Variants in GLI3 observed in about 807,000 individuals in gnomAD.
GLI3 encodes transcription activator GLI3.
Under a neutral mutation model 100.8 loss-of-function variants are expected in GLI3, and 20 were observed. That is an observed-to-expected ratio of 0.20 (90% CI 0.14 to 0.29). The LOEUF (loss-of-function observed/expected upper bound fraction) is 0.29, where lower values mean the gene tolerates loss of function less well. Among genes scored for constraint, GLI3 ranks in the 10% least tolerant of loss-of-function variants. GLI3 has a pLI of 1.00. For missense variants in GLI3, 2,040 were observed against 2,128.5 expected (o/e 0.96, Z 0.82); for synonymous variants, 938 against 860.5 (o/e 1.09, Z -1.58).
chr7:42,201,140 CAAT>C (rs1251672903), intron 2 of GLI3, among the ~76,000 whole-genome samples: 4 of 152,040 alleles, frequency 2.6e-5, no homozygotes, highest in African/African-American at 7.2e-5. Flanking sequence ...AGATTAACAA[CAAT>C]AACTAATAAT....
chr7:41,997,174 T>C (rs1384267878), intron 10 of GLI3, among the ~76,000 whole-genome samples: 1 of 152,190 alleles, frequency 6.6e-6, no homozygotes, highest in Non-Finnish European at 1.5e-5. Context: ...ATACATGATA[T>C]AATGTAAGCC....
intron 5 of GLI3, among the ~76,000 whole-genome samples, chr7:42,046,555 G>A (rs1212559343): frequency 6.6e-6 from 1 of 152,140 alleles, no homozygotes; most frequent in South Asian, 2.1e-4. Flanking sequence ...GAAAAGGAAG[G>A]CAAATGAACC....
At chr7:42,206,862 C>T (rs539994748) in intron 2 of GLI3, among the ~76,000 whole-genome samples, 1 of 152,012 alleles carries the variant, frequency 6.6e-6, no homozygotes, top group South Asian at 2.1e-4. Context: ...AATTATCTAC[C>T]CACAAAGAAC....
intron 7 of GLI3, among the ~76,000 whole-genome samples, chr7:42,030,696 G>GTTTTTTTTTTTTTTTTT (rs201325272): frequency 7.5e-6 from 1 of 133,472 alleles, no homozygotes; most frequent in African/African-American, 2.7e-5. Context: ...TTGTTGATTT[G>GTTTTTTTTTTTTTTTTT]TTTTTTTTTT....
chr7:42,220,479 C>T (rs1329367804), intron 2 of GLI3, among the ~76,000 whole-genome samples: 1 of 152,182 alleles, frequency 6.6e-6, no homozygotes, highest in Non-Finnish European at 1.5e-5. Context: ...GAGCTCTAAA[C>T]CCAGACAGGG....
At chr7:42,084,821 A>C (rs1785066973) in intron 3 of GLI3, among the ~76,000 whole-genome samples, 1 of 151,980 alleles carries the variant, frequency 6.6e-6, no homozygotes, top group South Asian at 2.1e-4. Context: ...CCAGTGACAA[A>C]TTTTTAAATC....
chr7:42,178,783 T>C (rs1016965863), intron 2 of GLI3, among the ~76,000 whole-genome samples: 2 of 151,762 alleles, frequency 1.3e-5, no homozygotes, highest in East Asian at 3.9e-4. Context: ...AAAAGTAGAG[T>C]GGTGTTCAGT....
intron 7 of GLI3, among the ~76,000 whole-genome samples, chr7:42,032,035 C>T (rs1480763916): frequency 6.6e-6 from 1 of 152,120 alleles, no homozygotes; most frequent in African/African-American, 2.4e-5. Context: ...TTACAGTAAA[C>T]AGCACAGTAA....
At chr7:42,155,225 A>C (rs186418189) in intron 2 of GLI3, among the ~76,000 whole-genome samples, 1 of 152,168 alleles carries the variant, frequency 6.6e-6, no homozygotes, top group Non-Finnish European at 1.5e-5. Flanking sequence ...AGATAACCCA[A>C]AGTCAGGAGT....
At position 41,966,019 on chromosome 7, in the gene GLI3, C is replaced by G. The variant is rs1022587271; in HGVS notation, c.3054G>C (p.Leu1018=). 1 of 1,596,784 alleles carries G rather than the reference C, an allele frequency of 6.3e-7. No homozygotes were observed. Among genetic ancestry groups the G allele is most frequent in the Non-Finnish European group, 8.5e-7 (1 of 1,177,652 alleles). ...GGCTGCTGAAGCGCGGCACACGAGG[C>G]AGGGCCAGGCCCTCGGAGCCTGTCC... ...PVRTGSEGLA[L]PRVPRFSSLS... Residue 1018 remains leucine, a synonymous_variant, in exon 15 of 15, where the codon CTG becomes CTC. Coordinates refer to ENST00000395925, the MANE Select transcript of GLI3 (RefSeq NM_000168.6). The surrounding 1 kb of genome is among the most constrained non-coding windows in gnomAD (Gnocchi z 5.8).
intron 10 of GLI3, among the ~76,000 whole-genome samples, chr7:42,008,202 C>T (rs574543483): frequency 6.6e-6 from 1 of 152,294 alleles, no homozygotes; most frequent in African/African-American, 2.4e-5. Context: ...AGTACAGGAG[C>T]TCCCTTTCCC....
chr7:42,112,394 A>C (rs1464203207), intron 3 of GLI3, among the ~76,000 whole-genome samples: 1 of 152,194 alleles, frequency 6.6e-6, no homozygotes, highest in Admixed American at 6.5e-5. Context: ...AGAATGAATA[A>C]GATCTAGTAT....
intron 2 of GLI3, among the ~76,000 whole-genome samples, chr7:42,187,922 G>A (rs55760754): frequency 1.7e-4 from 25 of 149,166 alleles, no homozygotes; most frequent in African/African-American, 6.2e-4. Flanking sequence ...AGAATCGCTC[G>A]AACCCGGGAG....
Position 42,034,754 on chromosome 7 carries a change from A to G in GLI3, c.1028+5284T>C, listed in dbSNP as rs1325206701. Among the ~76,000 whole-genome samples, 4 of 152,100 alleles carry G rather than the reference A, an allele frequency of 2.6e-5. No homozygotes were observed. In the South Asian group the frequency reaches 8.3e-4, roughly 32 times the overall value. On this transcript the variant is annotated intron_variant, in intron 7 of 14. Coordinates refer to ENST00000395925, the MANE Select transcript of GLI3 (RefSeq NM_000168.6). Reference sequence around the variant, plus strand: ...GCTATTCTTTCTTAACATCTGGGTCATTTCCTTTACAGCACTGACCAGAAC... The same window carrying G: ...GCTATTCTTTCTTAACATCTGGGTCGTTTCCTTTACAGCACTGACCAGAAC...
intron 13 of GLI3, among the ~76,000 whole-genome samples, chr7:41,971,802 G>A (rs912350264): frequency 3.3e-5 from 5 of 152,102 alleles, no homozygotes; most frequent in African/African-American, 1.2e-4. Context: ...TCTTCCCTCT[G>A]GAGCACTGAA....
chr7:42,079,743 G>GC (rs1317278290), intron 3 of GLI3, among the ~76,000 whole-genome samples: 1 of 152,182 alleles, frequency 6.6e-6, no homozygotes, highest in East Asian at 1.9e-4. Flanking sequence ...GCTTTTGGCT[G>GC]TGTTCTGCAT....
chr7:42,224,574 C>T (rs1583660696), intron 1 of GLI3, among the ~76,000 whole-genome samples: 3 of 152,250 alleles, frequency 2.0e-5, no homozygotes, highest in Admixed American at 2.0e-4. Context: ...CATTGTAAAA[C>T]ACACAAGTTA....
At chr7:42,232,503 GAA>G (rs150434741) in intron 1 of GLI3, among the ~76,000 whole-genome samples, 6,879 of 152,318 alleles carry the variant, frequency 0.045, 192 homozygotes, top group Non-Finnish European at 0.066. Flanking sequence ...GGCAGACAAT[GAA>G]TTTGGGGCTT....
At chr7:42,256,187 C>T (rs1349367353) in intron 1 of GLI3, among the ~76,000 whole-genome samples, 2 of 151,942 alleles carry the variant, frequency 1.3e-5, no homozygotes, top group Non-Finnish European at 2.9e-5. Context: ...TTTACATATT[C>T]CAGACACAAG....
Sources: gnomAD v4.1 joint callset for allele counts (sites outside exome capture counted in the v4.1 genomes callset) on GRCh38, gnomAD v4.1.1 for gene constraint, Gnocchi (gnomAD v3.1) non-coding constraint, MANE v1.5 for transcripts, NCBI Gene and HGNC (gene_info 2026-07-23, HGNC 2026-07-21) for gene names.